The following ALK variants were observed in gnomAD, a reference collection of about 807,000 sequenced individuals.
ALK encodes the protein ALK tyrosine kinase receptor.
Under a neutral mutation model 163.1 loss-of-function variants are expected in ALK, and 74 were observed. The ratio of observed to expected loss-of-function variants is 0.45; its 90% CI spans 0.38 to 0.55. ALK has a LOEUF of 0.55. Among genes scored for constraint, ALK ranks in the 20% least tolerant of loss-of-function variants. The probability of loss-of-function intolerance (pLI) is 0.00; values close to 1 mark genes in which losing one functional copy is unlikely to be tolerated. For missense variants in ALK, 2,063 were observed against 2,105.3 expected, an observed-to-expected ratio of 0.98 and a Z score of 0.39; for synonymous variants, 960 against 843.2, an observed-to-expected ratio of 1.14 and a Z score of -2.40.
intron 6 of ALK, among the ~76,000 whole-genome samples, chr2:29,324,016 T>A (rs1312334728): frequency 6.6e-6 from 1 of 152,180 alleles, no homozygotes; most frequent in Non-Finnish European, 1.5e-5. Flanking sequence ...ACCCACTGAA[T>A]CAGAATCTGC....
chr2:29,848,999 C>A (rs1415367142), intron 1 of ALK, among the ~76,000 whole-genome samples: 1 of 152,180 alleles, frequency 6.6e-6, no homozygotes, highest in Non-Finnish European at 1.5e-5. Flanking sequence ...CTCTCCCCTC[C>A]CCATAGTCTC....
At chr2:29,518,894 T>C (rs1672741538) in intron 4 of ALK, among the ~76,000 whole-genome samples, 1 of 152,210 alleles carries the variant, frequency 6.6e-6, no homozygotes, top group African/African-American at 2.4e-5. Flanking sequence ...GATATGATTC[T>C]AGGTGCTTTG....
chr2:29,855,507 G>C (rs903642621), intron 1 of ALK, among the ~76,000 whole-genome samples: 2 of 152,144 alleles, frequency 1.3e-5, no homozygotes, highest in Non-Finnish European at 2.9e-5. Context: ...TGAGAACCTT[G>C]ATTAATAGGC....
chr2:29,243,598 G>A (rs1664579216), intron 12 of ALK, among the ~76,000 whole-genome samples: 1 of 152,188 alleles, frequency 6.6e-6, no homozygotes, highest in African/African-American at 2.4e-5. Flanking sequence ...GGCCAAGGGG[G>A]CTTGGGGTCA....
At chr2:29,279,014 TG>T (rs1284091446) in intron 9 of ALK, among the ~76,000 whole-genome samples, 3 of 152,052 alleles carry the variant, frequency 2.0e-5, no homozygotes, top group Non-Finnish European at 4.4e-5. Context: ...ATCCTCTAAA[TG>T]GGTGCTCCCT....
chr2:29,817,578 T>A (rs1572403344), intron 1 of ALK, among the ~76,000 whole-genome samples: 1 of 152,234 alleles, frequency 6.6e-6, no homozygotes, highest in South Asian at 2.1e-4. Flanking sequence ...TTAGGGATCA[T>A]CTGCCCAAAT....
At chr2:29,524,802 TGATGGATGGATG>T (rs375415256) in intron 4 of ALK, among the ~76,000 whole-genome samples, 4 of 151,194 alleles carry the variant, frequency 2.6e-5, no homozygotes, top group African/African-American at 9.7e-5. Context: ...ATGAATGGAT[TGATGGATGGATG>T]GATGGATGGA....
intron 3 of ALK, among the ~76,000 whole-genome samples, chr2:29,541,543 A>G (rs2148166558): frequency 6.6e-6 from 1 of 152,290 alleles, no homozygotes; most frequent in Non-Finnish European, 1.5e-5. Context: ...CACCTGCCTT[A>G]GCTTCCCAAA....
chr2:29,621,923 TAAG>T (rs1421646929), intron 3 of ALK, among the ~76,000 whole-genome samples: 2 of 151,796 alleles, frequency 1.3e-5, no homozygotes, highest in Non-Finnish European at 2.9e-5. Flanking sequence ...CTGGTGGGAA[TAAG>T]AAGAAGCAGA....
At chr2:29,635,193 T>C (rs577170870) in intron 3 of ALK, among the ~76,000 whole-genome samples, 1 of 152,306 alleles carries the variant, frequency 6.6e-6, no homozygotes, top group South Asian at 2.1e-4. Context: ...TATAGTAAAG[T>C]TGTCAATTTC....
intron 5 of ALK, among the ~76,000 whole-genome samples, chr2:29,352,418 G>A (rs1668141438): frequency 6.6e-6 from 1 of 152,226 alleles, no homozygotes; most frequent in Admixed American, 6.5e-5. Context: ...AGTGCCCTGT[G>A]TAGGCCACGG....
chr2:29,754,315 A>G (rs976522945), intron 1 of ALK, among the ~76,000 whole-genome samples: 2 of 152,114 alleles, frequency 1.3e-5, no homozygotes, highest in Admixed American at 1.3e-4. Flanking sequence ...CCCTGCCTGC[A>G]TCTCCCCACA....
chr2:29,624,218 T>G (rs1226332009), intron 3 of ALK, among the ~76,000 whole-genome samples: 1 of 50,152 alleles, frequency 2.0e-5, no homozygotes, highest in Non-Finnish European at 5.3e-5. Context: ...ACCTTTTGGG[T>G]GGAGATGTGT....
intron 3 of ALK, among the ~76,000 whole-genome samples, chr2:29,585,489 G>A (rs1674856096): frequency 6.6e-6 from 1 of 151,972 alleles, no homozygotes; most frequent in African/African-American, 2.4e-5. Flanking sequence ...ACCACACCTG[G>A]CTATTTTTTT....
rs952552262 is a variant in ALK at position 29,227,477 on chromosome 2, C to T, written c.2914+97G>A. 3 of 1,086,690 alleles carry T rather than the reference C, an allele frequency of 2.8e-6. 1 individual carries two copies. Among genetic ancestry groups the T allele is most frequent in the Non-Finnish European group, 4.3e-6 (3 of 699,226 alleles). The allele number at this position is 1,086,690 out of a possible 1,614,324, so 67.3% of individuals were successfully genotyped here. On this transcript the variant is annotated intron_variant, in intron 17 of 28. Coordinates refer to ENST00000389048, the MANE Select transcript of ALK (RefSeq NM_004304.5). This position sits in a 1 kb window ranked among gnomAD's most constrained non-coding sequence, Gnocchi z 4.4. ...GCCTGCCAGGGACCCATAATTGTGC[C>T]TCTGTATCCTGGATACAGGTCAGAG... is the stretch of plus-strand genomic sequence containing the variant.
At chr2:29,494,434 T>G (rs1457695208) in intron 4 of ALK, among the ~76,000 whole-genome samples, 1 of 152,012 alleles carries the variant, frequency 6.6e-6, no homozygotes, top group Non-Finnish European at 1.5e-5. Context: ...GAAGGCCCAC[T>G]CAGTTTGGGG....
chr2:29,285,590 T>C (rs1175008056), intron 9 of ALK, among the ~76,000 whole-genome samples: 1 of 134,142 alleles, frequency 7.5e-6, no homozygotes, highest in South Asian at 2.4e-4. Context: ...TGGAATGGAG[T>C]CTCTTTCTGT....
intron 1 of ALK, among the ~76,000 whole-genome samples, chr2:29,793,453 G>A (rs1341069588): frequency 6.6e-6 from 1 of 152,100 alleles, no homozygotes; most frequent in East Asian, 1.9e-4. Flanking sequence ...TGTTCTAAAT[G>A]GCATCTAGAG....
At chr2:29,602,534 T>A (rs769494735) in intron 3 of ALK, among the ~76,000 whole-genome samples, 3 of 152,192 alleles carry the variant, frequency 2.0e-5, no homozygotes, top group Non-Finnish European at 4.4e-5. Flanking sequence ...GATTAAGTGA[T>A]GTGTCTAGCA....
Sources: gnomAD v4.1 joint callset for allele counts (sites outside exome capture counted in the v4.1 genomes callset) on GRCh38, gnomAD v4.1.1 for gene constraint, Gnocchi (gnomAD v3.1) non-coding constraint, MANE v1.5 for transcripts, NCBI Gene and HGNC (gene_info 2026-07-23, HGNC 2026-07-21) for gene names.